The following COIL variants were observed in gnomAD, a reference collection of about 807,000 sequenced individuals.
COIL encodes coilin p80.
COIL carries 28 observed loss-of-function variants against 51.6 expected under a neutral mutation model. The ratio of observed to expected loss-of-function variants is 0.54; its 90% CI spans 0.40 to 0.74. The LOEUF (loss-of-function observed/expected upper bound fraction) is 0.74, where lower values mean the gene tolerates loss of function less well. Ranked by LOEUF, COIL falls within the 30% of genes least tolerant of loss-of-function variation. The pLI is 0.00. For synonymous variants in COIL, 233 were observed against 255.8 expected, an observed-to-expected ratio of 0.91 and a Z score of 0.85; for missense variants, 667 against 685.9, an observed-to-expected ratio of 0.97 and a Z score of 0.31.
At chr17:56,959,809 C>T (rs1048387406) in intron 1 of COIL, among the ~76,000 whole-genome samples, 1 of 152,232 alleles carries the variant, frequency 6.6e-6, no homozygotes, top group Non-Finnish European at 1.5e-5. Flanking sequence ...TAGCTAAGCG[C>T]GGATGTGCTA....
chr17:56,949,560 TAAC>T, intron 3 of COIL, 118 bp downstream of exon 3: 2 of 1,346,346 alleles, frequency 1.5e-6, no homozygotes. Flanking sequence ...CAGGAACCCG[TAAC>T]AACACTGGGG....
At chr17:56,947,351 G>T (rs931346617) in intron 4 of COIL, among the ~76,000 whole-genome samples, 1 of 152,118 alleles carries the variant, frequency 6.6e-6, no homozygotes, top group African/African-American at 2.4e-5. Flanking sequence ...AAGCAAAAAA[G>T]TAGGACCAAT....
chr17:56,946,184 A>G (rs1046366082), intron 5 of COIL, among the ~76,000 whole-genome samples: 3 of 152,222 alleles, frequency 2.0e-5, no homozygotes, highest in African/African-American at 7.2e-5. Flanking sequence ...CCTAGGAATA[A>G]TTCTTTTTAT....
intron 6 of COIL, among the ~76,000 whole-genome samples, chr17:56,939,669 G>A (rs1464621291): frequency 6.6e-6 from 1 of 152,156 alleles, no homozygotes; most frequent in Non-Finnish European, 1.5e-5. Flanking sequence ...GAACCCAGTA[G>A]GTGGAGGTTG....
In COIL at chr17:56,950,236, A is replaced by G. The variant is rs2144398595; in HGVS notation, c.1006T>C (p.Cys336Arg). The change falls in exon 2 of 7, where the codon TGT (cysteine) becomes CGT (arginine). Residue 336 changes from cysteine to arginine, a missense_variant. Cys to Arg is a radical substitution (Grantham distance 180). Transcript: ENST00000240316. ...ACTGTCTTTAAGAAACCCGCAGCAC[A>G]CTCCGGGGTGCTCGATGACATCAAG... The part of the protein sequence containing the change: ...QCLMSSSTPE[C>R]AAGFLKTVGL... 6.2e-7 allele frequency: 1 copy of G among 1,613,830 alleles called. No individual in the cohort carries two copies. Among genetic ancestry groups the G allele is most frequent in the East Asian group, 2.2e-5 (1 of 44,864 alleles).
At chr17:56,949,485 C>A in intron 3 of COIL, 51 bp from the exon 4 acceptor site, 1 of 1,562,580 alleles carries the variant, frequency 6.4e-7, no homozygotes, top group South Asian at 1.1e-5. Context: ...TATCCTCTCC[C>A]ATTCCCACAG....
In COIL at chr17:56,961,046, G is replaced by C. The variant is rs1157134468; in HGVS notation, c.-27C>G. ...TTGCTTGGTGCTCAACGGAAGCCGA[G>C]AGATACCACGGGGCCACCGAGAGGC... is the stretch of plus-strand genomic sequence containing the variant. On this transcript the variant is annotated 5_prime_UTR_variant, in exon 1 of 7. Coordinates refer to ENST00000240316, the MANE Select transcript of COIL (RefSeq NM_004645.3). The C allele has an allele frequency of 6.2e-7, 1 of 1,605,838 alleles. No homozygotes were observed. Among genetic ancestry groups the C allele is most frequent in the African/African-American group, 1.3e-5 (1 of 74,202 alleles).
chr17:56,951,424 TA>T, intron 1 of COIL: 1 of 156,632 alleles, frequency 6.4e-6, no homozygotes, highest in Non-Finnish European at 1.4e-5. Flanking sequence ...TCACCTACCC[TA>T]AAAGGTGATA....
rs1910088450 is a variant in COIL at position 56,938,741 on chromosome 17, T to C, written c.*330A>G. On this transcript the variant is annotated 3_prime_UTR_variant, in exon 7 of 7. Transcript: ENST00000240316. ...CAAGATACGCAGCACATTCTTGGTA[T>C]TATAAACTCCTACTGACGACTGCTA... is the stretch of plus-strand genomic sequence containing the variant. 2 of 177,526 alleles carry C rather than the reference T, an allele frequency of 1.1e-5. No homozygotes were observed. The highest frequency in any genetic ancestry group is 2.4e-5 in the African/African-American group (1 of 42,414). 11.0% of individuals were successfully genotyped at this position (177,526 alleles called of 1,614,324 possible). A position where few individuals can be genotyped will look rare whatever the true frequency, so the allele number is the denominator to read the frequency against.
chr17:56,958,644 A>C (rs1029228203), intron 1 of COIL, among the ~76,000 whole-genome samples: 1 of 146,292 alleles, frequency 6.8e-6, no homozygotes. Flanking sequence ...TTAAAGTATA[A>C]TTATAGTTAG....
intron 1 of COIL, among the ~76,000 whole-genome samples, chr17:56,954,120 GTC>G (rs1910436102): frequency 2.0e-5 from 3 of 152,160 alleles, no homozygotes; most frequent in African/African-American, 4.8e-5. Context: ...ATGGTTGCAA[GTC>G]TCTGTTCAGT....
chr17:56,948,132 ATTTTTTTTT>A (rs11450212), intron 4 of COIL, among the ~76,000 whole-genome samples: 1 of 123,834 alleles, frequency 8.1e-6, no homozygotes, highest in Non-Finnish European at 1.6e-5. Flanking sequence ...TTGAGGAAAG[ATTTTTTTTT>A]TTTTTTTTTT....
intron 1 of COIL, among the ~76,000 whole-genome samples, chr17:56,958,809 CTT>C (rs1445155148): frequency 2.0e-5 from 3 of 152,278 alleles, no homozygotes; most frequent in East Asian, 1.9e-4. Context: ...AAAAAAAACT[CTT>C]TGAAATTTGG....
chr17:56,960,709 CG>C, intron 1 of COIL, 65 bp downstream of exon 1: 1 of 1,332,080 alleles, frequency 7.5e-7, no homozygotes, highest in Non-Finnish European at 9.8e-7. Context: ...GCTTCAGGCC[CG>C]GGCGTGCGCA....
chr17:56,940,853 G>A (rs8065197), intron 6 of COIL, among the ~76,000 whole-genome samples: 34,039 of 152,088 alleles, frequency 0.22, 4,190 homozygotes, highest in African/African-American at 0.33. Context: ...GGTATAAATC[G>A]GCCGGGCGCG....
At chr17:56,953,177 C>T (rs1910406729) in intron 1 of COIL, among the ~76,000 whole-genome samples, 1 of 151,870 alleles carries the variant, frequency 6.6e-6, no homozygotes. Context: ...TTTGGGAGGT[C>T]AAGGTGGGTG....
intron 6 of COIL, 84 bp downstream of exon 6, chr17:56,941,951 A>G (rs971599571): frequency 2.8e-6 from 3 of 1,078,406 alleles, no homozygotes; most frequent in Admixed American, 3.4e-5. Flanking sequence ...CAGGGCCTGT[A>G]GTGCAATGTC....
At position 56,939,236 on chromosome 17, in the gene COIL, C is replaced by G; in HGVS notation, c.1648-82G>C. The G allele has an allele frequency of 3.8e-6, 3 of 791,346 alleles. No homozygotes were observed. In the South Asian group the frequency reaches 4.4e-5, roughly 12 times the overall value. 49.0% of individuals were successfully genotyped at this position (791,346 alleles called of 1,614,324 possible). ...TAATTCAGCCACGTAAATTTTCCGT[C>G]TGTGTAGAATGATTGAAGAACGGGA... On this transcript the variant is annotated intron_variant, in intron 6 of 6. Coordinates refer to ENST00000240316, the MANE Select transcript of COIL (RefSeq NM_004645.3).
intron 1 of COIL, among the ~76,000 whole-genome samples, chr17:56,953,899 T>C (rs1455958787): frequency 6.6e-6 from 1 of 152,182 alleles, no homozygotes; most frequent in Non-Finnish European, 1.5e-5. Flanking sequence ...TCCCCTCTGT[T>C]CCCAGCTTGG....
Sources: gnomAD v4.1 joint callset for allele counts (sites outside exome capture counted in the v4.1 genomes callset) on GRCh38, gnomAD v4.1.1 for gene constraint, MANE v1.5 for transcripts, NCBI Gene and HGNC (gene_info 2026-07-23, HGNC 2026-07-21) for gene names.